The following DENND1B variants were observed in gnomAD, a reference collection of about 807,000 sequenced individuals.
The protein encoded by DENND1B is DENN domain-containing protein 1B.
DENND1B carries 59 observed loss-of-function variants against 90.1 expected under a neutral mutation model. The observed-to-expected ratio is 0.65, with a 90% CI of 0.53 to 0.81. The LOEUF is 0.81. Ranked by LOEUF, DENND1B falls within the 40% of genes least tolerant of loss-of-function variation. The pLI is 0.00. For missense variants in DENND1B, 862 were observed against 912.6 expected (o/e 0.94, Z 0.71); for synonymous variants, 337 against 324.6 (o/e 1.04, Z -0.41).
chr1:197,677,788 T>C (rs1410937581), intron 3 of DENND1B, among the ~76,000 whole-genome samples: 2 of 152,152 alleles, frequency 1.3e-5, no homozygotes, highest in Non-Finnish European at 1.5e-5. Flanking sequence ...TATACTCTCA[T>C]AGCAAGAAAT....
In DENND1B at chr1:197,546,068, G is replaced by T. The variant is rs562570223; in HGVS notation, c.1282-78C>A. 25 of 1,225,736 alleles carry T rather than the reference G, an allele frequency of 2.0e-5. No homozygotes were observed. In the South Asian group the frequency reaches 3.1e-4, roughly 15 times the overall value. The allele number at this position is 1,225,736 out of a possible 1,614,324, so 75.9% of individuals were successfully genotyped here. A position where few individuals can be genotyped will look rare whatever the true frequency, so the allele number is the denominator to read the frequency against. On this transcript the variant is annotated intron_variant, in intron 17 of 22. Transcript: ENST00000620048. ...TGAAAACAAAGTATTACAGTAAGTT[G>T]CATATTTAAAAAAAGGGCTTTACTC...
chr1:197,627,888 GAC>G (rs1388115164), intron 10 of DENND1B, among the ~76,000 whole-genome samples: 1 of 151,126 alleles, frequency 6.6e-6, no homozygotes, highest in Non-Finnish European at 1.5e-5. Flanking sequence ...ACCAATAACA[GAC>G]AGACAGCGAA....
intron 2 of DENND1B, chr1:197,747,166 C>G (rs1652814652): frequency 2.6e-6 from 2 of 757,808 alleles, no homozygotes; most frequent in Non-Finnish European, 4.7e-6. Context: ...CCCTCTGAAT[C>G]TTGAGGTTGC....
chr1:197,552,551 G>T, intron 16 of DENND1B: 1 of 985,368 alleles, frequency 1.0e-6, no homozygotes, highest in Non-Finnish European at 1.2e-6. Context: ...AGTCAAAAAG[G>T]TAAAGACATC....
At chr1:197,737,844 C>T (rs987380701) in intron 2 of DENND1B, among the ~76,000 whole-genome samples, 1 of 152,162 alleles carries the variant, frequency 6.6e-6, no homozygotes. Context: ...ATACACATCT[C>T]CCTTTAGTCT....
chr1:197,719,039 T>C (rs1309458896), intron 2 of DENND1B, among the ~76,000 whole-genome samples: 2 of 152,070 alleles, frequency 1.3e-5, no homozygotes, highest in Non-Finnish European at 2.9e-5. Context: ...TGAGAGATGA[T>C]GACTGAAGAA....
In DENND1B at chr1:197,679,557, C is replaced by T. The variant is rs567636980; in HGVS notation, c.127-5388G>A. Among the ~76,000 whole-genome samples, 8 of 151,072 alleles carry T rather than the reference C, an allele frequency of 5.3e-5. No homozygotes were observed. The South Asian group carries it at 1.7e-3, about 31-fold the overall frequency. ...GTGGAATTTTGGTATCCATGGGGATCCCAAACCAATAGGATTATATATACA... is the reference window on the plus strand; with the variant it reads ...GTGGAATTTTGGTATCCATGGGGATTCCAAACCAATAGGATTATATATACA... On this transcript the variant is annotated intron_variant, in intron 3 of 22. Transcript: ENST00000620048.
At chr1:197,595,479 G>A in intron 13 of DENND1B, 146 bp from the exon 14 acceptor site, 1 of 1,009,200 alleles carries the variant, frequency 9.9e-7, no homozygotes, top group Non-Finnish European at 1.4e-6. Flanking sequence ...TAACTGCAGA[G>A]AGCACCTGCT....
chr1:197,642,860 T>G (rs757585212), intron 9 of DENND1B, 39 bp from the exon 10 acceptor site: 7 of 1,449,480 alleles, frequency 4.8e-6, no homozygotes, highest in Non-Finnish European at 6.7e-6. Context: ...TTACAGCTCA[T>G]AGTGAATGTG....
chr1:197,686,682 TCTC>T (rs1271051981), intron 3 of DENND1B, among the ~76,000 whole-genome samples: 3 of 152,116 alleles, frequency 2.0e-5, no homozygotes, highest in Non-Finnish European at 4.4e-5. Context: ...GTTAGACTAA[TCTC>T]CTCCCACTGA....
chr1:197,540,270 A>G (rs1019622490), intron 19 of DENND1B, among the ~76,000 whole-genome samples, 199 bp from the exon 20 acceptor site: 1 of 151,840 alleles, frequency 6.6e-6, no homozygotes, highest in Non-Finnish European at 1.5e-5. Flanking sequence ...AAGGTTAATG[A>G]TCTTAATTAT....
chr1:197,567,575 T>C (rs10754225), intron 15 of DENND1B, among the ~76,000 whole-genome samples: 120,743 of 152,076 alleles, frequency 0.79, 48,079 homozygotes, highest in East Asian at 0.87. Context: ...TAAACATAGA[T>C]GCAAAAATCT....
Position 197,651,645 on chromosome 1 carries a change from CTTTTTTTTTTTTTTT to C in DENND1B, c.447+575_447+589del, listed in dbSNP as rs34012616. Among the ~76,000 whole-genome samples the C allele has an allele frequency of 1.1e-4, 7 of 61,562 alleles. No individual in the cohort carries two copies. The South Asian group carries it at 4.1e-3, about 36-fold the overall frequency. 40.4% of individuals were successfully genotyped at this position (61,562 alleles called of 152,430 possible). A position where few individuals can be genotyped will look rare whatever the true frequency, so the allele number is the denominator to read the frequency against. On this transcript the variant is annotated intron_variant, in intron 7 of 22. Transcript: ENST00000620048. ...GGATTTCACCTGAAAATCAATGCTTCTTTTTTTTTTTTTTTTTTTTTTTTTTTTGAGACTGAGTCT... is the reference window on the plus strand; with the variant it reads ...GGATTTCACCTGAAAATCAATGCTTCTTTTTTTTTTTTTGAGACTGAGTCT...
Position 197,775,186 on chromosome 1 carries a change from G to A in DENND1B, c.-31C>T. The A allele has an allele frequency of 7.9e-7, 1 of 1,266,778 alleles. No homozygotes were observed. Among genetic ancestry groups the A allele is most frequent in the African/African-American group, 1.6e-5 (1 of 64,008 alleles). The allele number at this position is 1,266,778 out of a possible 1,614,324, so 78.5% of individuals were successfully genotyped here. ...CATGTCGGTGTGGGGCTGTCCGTCC[G>A]GCCCCCGCGCGCTGGCCTGGAAGCC... On this transcript the variant is annotated 5_prime_UTR_variant, in exon 1 of 23. Transcript: ENST00000620048.
At chr1:197,513,289 T>G (rs1668166243) in intron 20 of DENND1B, among the ~76,000 whole-genome samples, 1 of 151,580 alleles carries the variant, frequency 6.6e-6, no homozygotes, top group African/African-American at 2.4e-5. Flanking sequence ...CATGCACCCA[T>G]CACACAGTTT....
chr1:197,590,510 T>G (rs1032788144), intron 14 of DENND1B, among the ~76,000 whole-genome samples: 9 of 152,178 alleles, frequency 5.9e-5, no homozygotes, highest in Admixed American at 5.9e-4. Flanking sequence ...TTAAGGAGTT[T>G]TATATTTTTC....
intron 2 of DENND1B, among the ~76,000 whole-genome samples, chr1:197,718,169 TC>T (rs1172907415): frequency 6.6e-6 from 1 of 151,928 alleles, no homozygotes; most frequent in Non-Finnish European, 1.5e-5. Context: ...TTCCAATAAT[TC>T]ACAAATTTTT....
rs1470548470 is a variant in DENND1B, at chr1:197,504,985, G to A, written c.*5475C>T. 1 of 151,694 alleles carries A rather than the reference G, an allele frequency of 6.6e-6. No homozygotes were observed. Among genetic ancestry groups the A allele is most frequent in the Non-Finnish European group, 1.5e-5 (1 of 67,808 alleles). The allele number at this position is 151,694 out of a possible 1,614,324, so 9.4% of individuals were successfully genotyped here. A position where few individuals can be genotyped will look rare whatever the true frequency, so the allele number is the denominator to read the frequency against. On this transcript the variant is annotated 3_prime_UTR_variant, in exon 23 of 23. Coordinates refer to ENST00000620048, the MANE Select transcript of DENND1B (RefSeq NM_001195215.2). ...GGTTTTTACAGATATCTGCTACCAAGACGAGCAAAAAGCTCAGGGTTTTCA... is the reference window on the plus strand; with the variant it reads ...GGTTTTTACAGATATCTGCTACCAAAACGAGCAAAAAGCTCAGGGTTTTCA...
At chr1:197,729,148 C>A (rs1348200448) in intron 2 of DENND1B, among the ~76,000 whole-genome samples, 2 of 152,136 alleles carry the variant, frequency 1.3e-5, no homozygotes, top group African/African-American at 4.8e-5. Context: ...CAGACTATCC[C>A]ACTTCCAGAC....
Sources: allele counts gnomAD v4.1 joint callset (sites outside exome capture counted in the v4.1 genomes callset), GRCh38; gene constraint gnomAD v4.1.1; transcripts MANE v1.5; gene names NCBI Gene and HGNC (gene_info 2026-07-23, HGNC 2026-07-21).